Variants in PDE4B observed in about 807,000 individuals in gnomAD.
PDE4B encodes the protein phosphodiesterase 4B.
In PDE4B, 20 loss-of-function variants were observed where a neutral mutation model predicts 82.2. The observed-to-expected ratio is 0.24, with a 90% CI of 0.17 to 0.35. The LOEUF (loss-of-function observed/expected upper bound fraction) is 0.35. PDE4B is among the 10% of genes least tolerant of loss of function. PDE4B has a pLI of 1.00. For missense variants in PDE4B, 655 were observed against 907.2 expected (o/e 0.72, Z 3.57); for synonymous variants, 320 against 318.9 (o/e 1.00, Z -0.04).
At chr1:65,926,522 T>C (rs952129325) in intron 3 of PDE4B, among the ~76,000 whole-genome samples, 10 of 152,204 alleles carry the variant, frequency 6.6e-5, no homozygotes, top group Admixed American at 1.3e-4. Flanking sequence ...GACACTATCT[T>C]TCCCCAGTAT....
chr1:65,968,789 A>G (rs1340582683), intron 3 of PDE4B, among the ~76,000 whole-genome samples: 1 of 152,180 alleles, frequency 6.6e-6, no homozygotes, highest in African/African-American at 2.4e-5. Flanking sequence ...TCGTATTTTT[A>G]GAGTACCAGA....
At chr1:65,917,716 A>T (rs1287086529) in intron 2 of PDE4B, among the ~76,000 whole-genome samples, 1 of 152,248 alleles carries the variant, frequency 6.6e-6, no homozygotes, top group Non-Finnish European at 1.5e-5. Flanking sequence ...TGAACGTGGC[A>T]GTTCAAGACT....
At position 66,361,773 on chromosome 1, in the gene PDE4B, A is replaced by G. The variant is rs762718733; in HGVS notation, c.1000A>G (p.Asn334Asp). The G allele has an allele frequency of 1.2e-6, 2 of 1,612,070 alleles. No homozygotes were observed. Among genetic ancestry groups the G allele is most frequent in the Non-Finnish European group, 1.7e-6 (2 of 1,178,824 alleles). The change falls in exon 10 of 17, where the codon AAT becomes GAT. Residue 334 changes from asparagine (N) to aspartate (D), a missense_variant. Asn to Asp is a conservative substitution (Grantham distance 23). This residue lies in a region of PDE4B where 283 missense variants were observed against 516.4 expected (regional missense o/e 0.55). Coordinates refer to ENST00000341517, the MANE Select transcript of PDE4B (RefSeq NM_002600.4). ...CTCACGCTTTGGAGTCAACACTGAA[A>G]ATGAAGATCACCTGGCCAAGGTGTG... is the stretch of plus-strand genomic sequence containing the variant. ...SISRFGVNTE[N>D]EDHLAKELED...
At chr1:66,030,484 CT>C (rs1232753461) in intron 3 of PDE4B, among the ~76,000 whole-genome samples, 1 of 152,142 alleles carries the variant, frequency 6.6e-6, no homozygotes, top group African/African-American at 2.4e-5. Context: ...TGTTCTGGGG[CT>C]TCTTTTGGTT....
intron 3 of PDE4B, among the ~76,000 whole-genome samples, chr1:66,203,238 C>A (rs544530437): frequency 5.7e-4 from 86 of 152,188 alleles, no homozygotes; most frequent in Admixed American, 4.4e-3. Context: ...GATGGGCTTC[C>A]CTTTGTGGGT....
At chr1:66,156,559 T>A (rs1428073355) in intron 3 of PDE4B, among the ~76,000 whole-genome samples, 8 of 152,106 alleles carry the variant, frequency 5.3e-5, no homozygotes, top group African/African-American at 1.9e-4. Context: ...CATTCTCTAA[T>A]ATCTCCATCC....
intron 3 of PDE4B, among the ~76,000 whole-genome samples, chr1:66,131,446 A>G (rs1384319455): frequency 6.6e-6 from 1 of 151,282 alleles, no homozygotes; most frequent in Non-Finnish European, 1.5e-5. Context: ...AATGACATTG[A>G]AAACAGGTCC....
chr1:66,185,109 C>A (rs571848180), intron 3 of PDE4B, among the ~76,000 whole-genome samples: 2 of 151,954 alleles, frequency 1.3e-5, no homozygotes, highest in African/African-American at 2.4e-5. Context: ...TTTGTCCTTG[C>A]GATAGTTTGC....
At chr1:66,368,124 A>G in intron 15 of PDE4B, 59 bp downstream of exon 15, 1 of 1,564,108 alleles carries the variant, frequency 6.4e-7, no homozygotes. Flanking sequence ...CTGAACAACA[A>G]TTAGAAAAAG....
intron 7 of PDE4B, among the ~76,000 whole-genome samples, chr1:66,267,951 A>T (rs1206626550): frequency 6.6e-6 from 1 of 152,214 alleles, no homozygotes; most frequent in Admixed American, 6.5e-5. Flanking sequence ...GGGGAATGAA[A>T]AATAACTGGC....
Position 65,918,810 on chromosome 1 carries a change from G to A in PDE4B, c.256G>A (p.Ala86Thr). The A allele has an allele frequency of 6.2e-7, 1 of 1,611,820 alleles. No individual in the cohort carries two copies. The highest frequency in any genetic ancestry group is 8.5e-7 in the Non-Finnish European group (1 of 1,177,870). ...GCCTTTGACAACGCTTCCAAGCATT[G>A]CTATTACAACTGTAAGCCAGGAGTG... Reference protein sequence around the residue: ...TLPLTTLPSIAITTVSQECFD... With the variant: ...TLPLTTLPSITITTVSQECFD... The change falls in exon 3 of 17, where the codon GCT (alanine) becomes ACT (threonine). Residue 86 changes from alanine (A) to threonine (T), a missense_variant. Coordinates refer to ENST00000341517, the MANE Select transcript of PDE4B (RefSeq NM_002600.4).
intron 3 of PDE4B, among the ~76,000 whole-genome samples, chr1:65,983,907 A>C (rs748448263): frequency 1.3e-5 from 2 of 152,234 alleles, no homozygotes; most frequent in Non-Finnish European, 2.9e-5. Flanking sequence ...ATAGTTATTT[A>C]GGATGGAAGA....
intron 3 of PDE4B, among the ~76,000 whole-genome samples, chr1:65,981,457 T>G (rs1448133379): frequency 6.6e-6 from 1 of 152,124 alleles, no homozygotes; most frequent in Non-Finnish European, 1.5e-5. Flanking sequence ...ACAATTCTAG[T>G]TTCAGGATAC....
intron 3 of PDE4B, among the ~76,000 whole-genome samples, chr1:66,169,124 A>G (rs891062986): frequency 1.3e-5 from 2 of 152,224 alleles, no homozygotes; most frequent in African/African-American, 4.8e-5. Context: ...TCTACATTTT[A>G]CTCAGAAATC....
At chr1:65,928,754 C>T (rs1647661503) in intron 3 of PDE4B, among the ~76,000 whole-genome samples, 2 of 152,192 alleles carry the variant, frequency 1.3e-5, no homozygotes, top group South Asian at 4.1e-4. Flanking sequence ...CTCCCTAAGC[C>T]TCTGGATCCC....
rs184215461 is a variant in PDE4B at position 66,166,868 on chromosome 1, C to T, written c.282-80592C>T. 7.9e-5 allele frequency among the ~76,000 whole-genome samples: 12 copies of T among 152,134 alleles called. No individual in the cohort carries two copies. The East Asian group carries it at 1.7e-3, about 22-fold the overall frequency. On this transcript the variant is annotated intron_variant, in intron 3 of 16. Coordinates refer to ENST00000341517, the MANE Select transcript of PDE4B (RefSeq NM_002600.4). ...AATTCAACAACAAAAAGCCACAGAC[C>T]GTAACTAACAAATGGGCAAAGGATT...
At chr1:66,200,301 T>G (rs1003982718) in intron 3 of PDE4B, among the ~76,000 whole-genome samples, 4 of 152,212 alleles carry the variant, frequency 2.6e-5, no homozygotes, top group Non-Finnish European at 4.4e-5. Context: ...CTTTGTTCTT[T>G]TGGCTTAGGA....
chr1:66,164,483 C>T (rs1247867571), intron 3 of PDE4B, among the ~76,000 whole-genome samples: 3 of 122,646 alleles, frequency 2.4e-5, no homozygotes, highest in East Asian at 5.1e-4. Context: ...TTGCAGTGAG[C>T]CAAGACTGTG....
intron 3 of PDE4B, among the ~76,000 whole-genome samples, chr1:66,173,516 T>C (rs752920511): frequency 7.2e-5 from 11 of 152,242 alleles, no homozygotes; most frequent in Non-Finnish European, 1.2e-4. Flanking sequence ...TGAATTTACC[T>C]ATAGTCTTTG....
Sources: gnomAD v4.1 joint callset for allele counts (sites outside exome capture counted in the v4.1 genomes callset) on GRCh38, gnomAD v4.1.1 for gene constraint, gnomAD v4.1.1 regional missense constraint, MANE v1.5 for transcripts, NCBI Gene and HGNC (gene_info 2026-07-23, HGNC 2026-07-21) for gene names.